Variants in C16orf74 observed in about 807,000 individuals in gnomAD.
C16orf74 encodes uncharacterized protein C16orf74.
Under a neutral mutation model 6.5 loss-of-function variants are expected in C16orf74, and 10 were observed. The observed-to-expected ratio is 1.54, with a 90% CI of 0.95 to 2.61. C16orf74 has a LOEUF of 2.61. Ranked by LOEUF, C16orf74 falls within the 30% of genes most tolerant of loss-of-function variation. C16orf74 has a pLI of 0.00. For synonymous variants in C16orf74, 60 were observed against 42.5 expected (o/e 1.41, Z -1.60); for missense variants, 141 against 105.9 (o/e 1.33, Z -1.45).
intron 1 of C16orf74, among the ~76,000 whole-genome samples, chr16:85,741,148 A>G (rs408253): frequency 0.17 from 25,828 of 152,176 alleles, 2,980 homozygotes; most frequent in Middle Eastern, 0.32. Flanking sequence ...CCTCCCCACC[A>G]TGGTCTCCCA....
intron 2 of C16orf74, among the ~76,000 whole-genome samples, chr16:85,730,436 G>A (rs1242451849): frequency 6.6e-6 from 1 of 152,042 alleles, no homozygotes; most frequent in South Asian, 2.1e-4. Flanking sequence ...TGGTTCTAGA[G>A]GGAGAGATTC....
chr16:85,746,183 C>T (rs1308000418), intron 1 of C16orf74, among the ~76,000 whole-genome samples: 1 of 152,044 alleles, frequency 6.6e-6, no homozygotes, highest in African/African-American at 2.4e-5. Context: ...CACCCCGTCT[C>T]TACTAAAAAT....
intron 1 of C16orf74, among the ~76,000 whole-genome samples, chr16:85,739,308 G>A (rs917888623): frequency 6.6e-6 from 1 of 152,156 alleles, no homozygotes; most frequent in African/African-American, 2.4e-5. Flanking sequence ...AAAGTACTCG[G>A]ATTTTATCAT....
intron 2 of C16orf74, among the ~76,000 whole-genome samples, chr16:85,730,030 C>T (rs1436951580): frequency 6.6e-6 from 1 of 152,160 alleles, no homozygotes; most frequent in Non-Finnish European, 1.5e-5. Flanking sequence ...CGGGTGCCAT[C>T]GACACAAAGC....
chr16:85,709,276 T>C lies in C16orf74; in HGVS notation c.172+888A>G, dbSNP rs545880977. Among the ~76,000 whole-genome samples the C allele has an allele frequency of 2.7e-3, 405 of 152,160 alleles. 1 individual carries two copies. Among genetic ancestry groups the C allele is most frequent in the Middle Eastern group, 6.8e-3 (2 of 294 alleles). ...GGCTGAGGCAGAACAATCACTTGAATGAAGGAGGTGGAGGTTGCAGTGAGC... is the reference window on the plus strand; with the variant it reads ...GGCTGAGGCAGAACAATCACTTGAACGAAGGAGGTGGAGGTTGCAGTGAGC... On this transcript the variant is annotated intron_variant, in intron 3 of 3. Transcript: ENST00000284245.
chr16:85,720,683 G>A (rs1198821798), intron 2 of C16orf74, among the ~76,000 whole-genome samples: 1 of 149,894 alleles, frequency 6.7e-6, no homozygotes, highest in Non-Finnish European at 1.5e-5. Context: ...GGCTGAGAAG[G>A]GAGGATTGCT....
At chr16:85,712,878 T>A (rs1422003653) in intron 2 of C16orf74, among the ~76,000 whole-genome samples, 1 of 152,198 alleles carries the variant, frequency 6.6e-6, no homozygotes, top group African/African-American at 2.4e-5. Context: ...GTGGTTACAC[T>A]GGGTGTCCAA....
Position 85,710,172 on chromosome 16 carries a change from C to G in C16orf74, c.164G>C (p.Gly55Ala). 1 of 1,456,714 alleles carries G rather than the reference C, an allele frequency of 6.9e-7. No individual in the cohort carries two copies. Among genetic ancestry groups the G allele is most frequent in the South Asian group, 1.5e-5 (1 of 65,534 alleles). 90.2% of individuals were successfully genotyped at this position (1,456,714 alleles called of 1,614,324 possible). ...GGAGGGGACGGCCTCACCTGTGCTC[C>G]CCAAGTCCCTCGGCAGCATCATGCC... ...PTGMMLPRDL[G>A]STVWLDETGS... Residue 55 changes from glycine to alanine, a missense_variant, in exon 3 of 4, where the codon GGG becomes GCG. By Grantham distance (60) the Gly-to-Ala change is moderately conservative. Coordinates refer to ENST00000284245, the MANE Select transcript of C16orf74 (RefSeq NM_206967.3).
chr16:85,735,255 C>A lies in C16orf74; in HGVS notation c.-18-20G>T, dbSNP rs936779219. The A allele has an allele frequency of 1.3e-6, 2 of 1,549,412 alleles. No individual in the cohort carries two copies. The highest frequency in any genetic ancestry group is 2.8e-5 in the African/African-American group (2 of 71,290). On this transcript the variant is annotated intron_variant, in intron 1 of 3. Transcript: ENST00000284245. ...GCAGGCCTGTGGAGAGAGGACAGCGCTGAGAGAGGGGAGGGCGCGACTTGT... is the reference window on the plus strand; with the variant it reads ...GCAGGCCTGTGGAGAGAGGACAGCGATGAGAGAGGGGAGGGCGCGACTTGT...
intron 2 of C16orf74, among the ~76,000 whole-genome samples, chr16:85,719,113 C>T (rs993854530): frequency 6.6e-6 from 1 of 152,246 alleles, no homozygotes; most frequent in Non-Finnish European, 1.5e-5. Context: ...ACCTGCAGAG[C>T]CAGCTTATGT....
chr16:85,740,543 A>G (rs1478597166), intron 1 of C16orf74, among the ~76,000 whole-genome samples: 1 of 152,078 alleles, frequency 6.6e-6, no homozygotes, highest in Non-Finnish European at 1.5e-5. Flanking sequence ...TCTACTAAAA[A>G]TATAAAAAAT....
intron 1 of C16orf74, among the ~76,000 whole-genome samples, chr16:85,747,041 A>C (rs2054381968): frequency 6.6e-6 from 1 of 152,104 alleles, no homozygotes; most frequent in African/African-American, 2.4e-5. Context: ...GCAGGAAGCG[A>C]AACAGGATGG....
chr16:85,721,927 C>G (rs1305184968), intron 2 of C16orf74, among the ~76,000 whole-genome samples: 1 of 151,288 alleles, frequency 6.6e-6, no homozygotes, highest in Non-Finnish European at 1.5e-5. Flanking sequence ...GTTATCAGCG[C>G]TAACAATTGC....
At chr16:85,721,705 G>C (rs988433879) in intron 2 of C16orf74, among the ~76,000 whole-genome samples, 1 of 152,208 alleles carries the variant, frequency 6.6e-6, no homozygotes, top group Admixed American at 6.5e-5. Flanking sequence ...GTCATTCACT[G>C]CAACAATAAC....
chr16:85,742,699 A>C (rs866729371), intron 1 of C16orf74, among the ~76,000 whole-genome samples: 3 of 151,890 alleles, frequency 2.0e-5, no homozygotes, highest in Middle Eastern at 6.8e-3. Context: ...GCGCCACCAC[A>C]CCCGGCTAAT....
intron 2 of C16orf74, among the ~76,000 whole-genome samples, chr16:85,719,880 A>AG (rs913269075): frequency 9.4e-5 from 14 of 149,450 alleles, no homozygotes; most frequent in African/African-American, 3.0e-4. Flanking sequence ...GCAGGAACAG[A>AG]GGGGCCACAG....
At chr16:85,719,207 A>C (rs1238784694) in intron 2 of C16orf74, among the ~76,000 whole-genome samples, 1 of 152,228 alleles carries the variant, frequency 6.6e-6, no homozygotes, top group Non-Finnish European at 1.5e-5. Flanking sequence ...TTTATTGTGC[A>C]CCTGCTGTGT....
intron 2 of C16orf74, among the ~76,000 whole-genome samples, chr16:85,717,861 G>A (rs1294528024): frequency 1.3e-5 from 2 of 152,144 alleles, no homozygotes; most frequent in Non-Finnish European, 2.9e-5. Flanking sequence ...GCTGGGATCC[G>A]CAGCCCTGAT....
At chr16:85,716,933 G>C (rs890727761) in intron 2 of C16orf74, among the ~76,000 whole-genome samples, 1 of 152,210 alleles carries the variant, frequency 6.6e-6, no homozygotes, top group Non-Finnish European at 1.5e-5. Context: ...CCTGCCTCGG[G>C]CTATTAAAAG....
Sources: allele counts gnomAD v4.1 joint callset (sites outside exome capture counted in the v4.1 genomes callset), GRCh38; gene constraint gnomAD v4.1.1; transcripts MANE v1.5; gene names NCBI Gene and HGNC (gene_info 2026-07-23, HGNC 2026-07-21).